Variants in MAPRE2 observed in about 807,000 individuals in gnomAD.
MAPRE2 encodes microtubule-associated protein RP/EB family member 2.
MAPRE2 carries 13 observed loss-of-function variants against 43.2 expected under a neutral mutation model. That is an observed-to-expected ratio of 0.30 (90% CI 0.20 to 0.48). The LOEUF (loss-of-function observed/expected upper bound fraction) is 0.48, where lower values mean the gene tolerates loss of function less well. Ranked by LOEUF, MAPRE2 falls within the 20% of genes least tolerant of loss-of-function variation. The pLI is 0.99. For synonymous variants in MAPRE2, 135 were observed against 148.8 expected, an observed-to-expected ratio of 0.91 and a Z score of 0.68; for missense variants, 161 against 400.2, an observed-to-expected ratio of 0.40 and a Z score of 5.10.
intron 2 of MAPRE2, among the ~76,000 whole-genome samples, chr18:35,010,157 C>G (rs2150582637): frequency 6.6e-6 from 1 of 152,228 alleles, no homozygotes; most frequent in South Asian, 2.1e-4. Context: ...GAGGCTGACA[C>G]TGGAGGATCA....
At chr18:35,131,983 T>TA in intron 5 of MAPRE2, 49 bp from the exon 6 acceptor site, 4 of 1,585,918 alleles carry the variant, frequency 2.5e-6, no homozygotes, top group Non-Finnish European at 2.6e-6. Context: ...GGTCATGTCT[T>TA]ATACTATATT....
At chr18:35,097,643 T>C (rs1289080069) in intron 3 of MAPRE2, 52 bp downstream of exon 3, 4 of 1,539,266 alleles carry the variant, frequency 2.6e-6, no homozygotes. Flanking sequence ...AAAATTGTTT[T>C]TGTGCATAAA....
chr18:35,079,785 G>C (rs897561270), intron 2 of MAPRE2, among the ~76,000 whole-genome samples: 2 of 152,208 alleles, frequency 1.3e-5, no homozygotes, highest in Non-Finnish European at 2.9e-5. Context: ...GGAAAGCTTC[G>C]TAGAGGAGGT....
intron 4 of MAPRE2, among the ~76,000 whole-genome samples, chr18:35,105,478 C>G (rs1479728989): frequency 6.6e-6 from 1 of 152,044 alleles, no homozygotes; most frequent in Admixed American, 6.6e-5. Context: ...GAGAAAGGCT[C>G]CTATAAATGC....
intron 1 of MAPRE2, among the ~76,000 whole-genome samples, chr18:34,995,971 A>G (rs1238515280): frequency 6.6e-6 from 1 of 152,190 alleles, no homozygotes; most frequent in Admixed American, 6.5e-5. Context: ...ACTGAATCAT[A>G]ACCTGCATTG....
chr18:35,030,041 T>C (rs1316054383), intron 2 of MAPRE2, among the ~76,000 whole-genome samples: 1 of 152,216 alleles, frequency 6.6e-6, no homozygotes, highest in Non-Finnish European at 1.5e-5. Context: ...ATAAAATAGC[T>C]AATCACTATA....
chr18:35,039,687 T>C (rs1568979763), upstream of MAPRE2, among the ~76,000 whole-genome samples: 1 of 152,236 alleles, frequency 6.6e-6, no homozygotes, highest in East Asian at 1.9e-4. Context: ...AAATAACTTA[T>C]TACCAGGGAC....
intron 4 of MAPRE2, among the ~76,000 whole-genome samples, chr18:35,120,812 A>G (rs1422998719): frequency 6.6e-6 from 1 of 152,152 alleles, no homozygotes; most frequent in Admixed American, 6.5e-5. Flanking sequence ...TATCAAATCC[A>G]TCCACAATGA....
intron 1 of MAPRE2, among the ~76,000 whole-genome samples, chr18:35,003,664 T>C (rs190420009): frequency 6.6e-6 from 1 of 152,340 alleles, no homozygotes; most frequent in East Asian, 1.9e-4. Flanking sequence ...ACTAGAAACC[T>C]TATGTTCCTG....
intron 1 of MAPRE2, among the ~76,000 whole-genome samples, chr18:34,985,714 CATATA>C (rs2097020567): frequency 1.2e-5 from 1 of 82,744 alleles, no homozygotes; most frequent in Non-Finnish European, 2.6e-5. Context: ...AAATATATAT[CATATA>C]ATATGTAATA....
intron 1 of MAPRE2, among the ~76,000 whole-genome samples, chr18:35,062,477 A>G (rs1181820144): frequency 6.6e-6 from 1 of 152,244 alleles, no homozygotes; most frequent in Non-Finnish European, 1.5e-5. Context: ...TTACAAGCGC[A>G]TTTGAAATAA....
chr18:35,018,605 G>T (rs2097039982), intron 2 of MAPRE2, among the ~76,000 whole-genome samples: 1 of 151,522 alleles, frequency 6.6e-6, no homozygotes, highest in Admixed American at 6.6e-5. Flanking sequence ...TTTCTAGTTT[G>T]TGTGCATAGA....
chr18:35,017,346 A>G (rs975344774), intron 2 of MAPRE2, among the ~76,000 whole-genome samples: 3 of 147,798 alleles, frequency 2.0e-5, no homozygotes, highest in African/African-American at 7.5e-5. Context: ...TGAAAAAATG[A>G]TGTTGGTAGT....
chr18:35,073,468 T>G (rs1568992995), intron 2 of MAPRE2, among the ~76,000 whole-genome samples: 1 of 152,190 alleles, frequency 6.6e-6, no homozygotes, highest in Non-Finnish European at 1.5e-5. Flanking sequence ...CAATGTTTAT[T>G]TCAATTTTTT....
At chr18:34,983,934 A>G (rs1368126218) in intron 1 of MAPRE2, among the ~76,000 whole-genome samples, 2 of 152,132 alleles carry the variant, frequency 1.3e-5, no homozygotes, top group Non-Finnish European at 2.9e-5. Flanking sequence ...CTGGCCTGGA[A>G]ATAGCACTCC....
intron 2 of MAPRE2, among the ~76,000 whole-genome samples, chr18:35,073,915 A>G (rs1202157475): frequency 6.6e-6 from 1 of 152,240 alleles, no homozygotes; most frequent in Non-Finnish European, 1.5e-5. Flanking sequence ...AACAGTGAAA[A>G]TGACTCACTG....
At chr18:34,977,841 T>C (rs991750848) in intron 1 of MAPRE2, among the ~76,000 whole-genome samples, 4 of 152,192 alleles carry the variant, frequency 2.6e-5, no homozygotes, top group African/African-American at 9.6e-5. Flanking sequence ...AGAAGGGCTA[T>C]GCGGAAGCCA....
intron 5 of MAPRE2, 127 bp from the exon 6 acceptor site, chr18:35,131,905 G>T: frequency 2.1e-6 from 2 of 940,192 alleles, no homozygotes; most frequent in Admixed American, 2.5e-5. Flanking sequence ...TTCTCCCTCA[G>T]ACTTACACAT....
At chr18:34,980,614 A>T (rs756479703) in intron 1 of MAPRE2, among the ~76,000 whole-genome samples, 2 of 152,178 alleles carry the variant, frequency 1.3e-5, no homozygotes, top group Non-Finnish European at 2.9e-5. Flanking sequence ...GACATTCCAG[A>T]TATATAGAAG....
Sources: gnomAD v4.1 joint callset for allele counts (sites outside exome capture counted in the v4.1 genomes callset) on GRCh38, gnomAD v4.1.1 for gene constraint, MANE v1.5 for transcripts, NCBI Gene and HGNC (gene_info 2026-07-23, HGNC 2026-07-21) for gene names.